GCNT1: variants seen among roughly 807,000 people sequenced by gnomAD.
GCNT1 encodes the protein glucosaminyl (N-acetyl) transferase 1.
A neutral mutation model predicts 26.2 loss-of-function variants in GCNT1; 16 were observed. The ratio of observed to expected loss-of-function variants is 0.61; its 90% CI spans 0.41 to 0.93. GCNT1 has a LOEUF of 0.93. GCNT1 is among the 40% of genes least tolerant of loss of function. GCNT1 has a pLI of 0.00. For missense variants in GCNT1, 477 were observed against 526.7 expected, an observed-to-expected ratio of 0.91 and a Z score of 0.92; for synonymous variants, 183 against 190.8, an observed-to-expected ratio of 0.96 and a Z score of 0.34.
At chr9:76,412,581 C>T in the GCNT1 span, among the ~76,000 whole-genome samples, 2 of 152,216 alleles carry the variant, frequency 1.3e-5, no homozygotes. Context: ...TTAAATATTT[C>T]ACTTCACTCT....
upstream of GCNT1, among the ~76,000 whole-genome samples, chr9:76,440,293 A>G (rs1823467552): frequency 6.6e-6 from 1 of 152,010 alleles, no homozygotes; most frequent in Non-Finnish European, 1.5e-5. Flanking sequence ...CTCACCTACT[A>G]GTTAATATAA....
upstream of GCNT1, among the ~76,000 whole-genome samples, chr9:76,458,433 C>T (rs955971118): frequency 5.9e-5 from 9 of 152,102 alleles, no homozygotes; most frequent in Non-Finnish European, 8.8e-5. Context: ...CCGCCCGCCT[C>T]GGCCTCCCAA....
the GCNT1 span, among the ~76,000 whole-genome samples, chr9:76,398,499 A>G: frequency 6.6e-6 from 1 of 152,230 alleles, no homozygotes; most frequent in Non-Finnish European, 1.5e-5. Flanking sequence ...CCCTTGGAAG[A>G]TAATATGGCA....
chr9:76,480,907 A>G (rs751631815), intron 2 of GCNT1, among the ~76,000 whole-genome samples: 87 of 152,096 alleles, frequency 5.7e-4, no homozygotes, highest in South Asian at 1.7e-3. Flanking sequence ...AACATTTTTT[A>G]TATAATTATA....
At chr9:76,449,535 A>G (rs987717179) in intron 1 of GCNT1, among the ~76,000 whole-genome samples, 1 of 152,106 alleles carries the variant, frequency 6.6e-6, no homozygotes, top group African/African-American at 2.4e-5. Flanking sequence ...AAGGTGAACA[A>G]TTCATCTGCA....
the GCNT1 span, chr9:76,399,545 C>G: frequency 6.5e-7 from 1 of 1,550,058 alleles, no homozygotes; most frequent in Non-Finnish European, 8.8e-7. Flanking sequence ...TCCCACTGCT[C>G]AGGCCACTGA....
chr9:76,445,214 A>G (rs189043885), intron 1 of GCNT1, among the ~76,000 whole-genome samples: 50 of 152,280 alleles, frequency 3.3e-4, no homozygotes, highest in African/African-American at 1.2e-3. Context: ...GTTCTCAAGT[A>G]TAACATCAGA....
upstream of GCNT1, among the ~76,000 whole-genome samples, chr9:76,454,911 G>A (rs1465149023): frequency 2.4e-4 from 32 of 132,360 alleles, 1 homozygote; most frequent in African/African-American, 8.5e-4. Context: ...GCAGTGGCAT[G>A]ATCTCAGCTC....
rs538892923 is a variant in GCNT1, at chr9:76,426,559, T to G, written n.38+6672T>G. Among the ~76,000 whole-genome samples, 4 of 151,122 alleles carry G rather than the reference T, an allele frequency of 2.6e-5. No homozygotes were observed. In the East Asian group the frequency reaches 5.8e-4, roughly 22 times the overall value. On this transcript the variant is annotated intron_variant and non_coding_transcript_variant, in intron 1 of 3. Coordinates refer to the GCNT1 transcript ENST00000488136. ...CTCCAGATTGGGTGACAGAGAGAGATCGTGTCTCAAAAAAAAAGAAAAGAA... is the reference window on the plus strand; with the variant it reads ...CTCCAGATTGGGTGACAGAGAGAGAGCGTGTCTCAAAAAAAAAGAAAAGAA...
the GCNT1 span, chr9:76,398,908 C>G: frequency 1.3e-6 from 2 of 1,545,630 alleles, no homozygotes; most frequent in South Asian, 2.2e-5. Flanking sequence ...CCATTGAAAA[C>G]CCTGCTGATG....
At chr9:76,422,196 C>T (rs918069393) in intron 1 of GCNT1, among the ~76,000 whole-genome samples, 9 of 152,110 alleles carry the variant, frequency 5.9e-5, no homozygotes, top group African/African-American at 1.7e-4. Context: ...GTCCCTCTCA[C>T]GACACATGGA....
In GCNT1 at chr9:76,502,346, G is replaced by A. The variant is rs921563545; in HGVS notation, c.-36G>A. 3 of 1,445,184 alleles carry A rather than the reference G, an allele frequency of 2.1e-6. No individual in the cohort carries two copies. The highest frequency in any genetic ancestry group is 1.7e-5 in the Admixed American group (1 of 57,510). 89.5% of individuals were successfully genotyped at this position (1,445,184 alleles called of 1,614,324 possible). On this transcript the variant is annotated 5_prime_UTR_variant, in exon 4 of 4. Transcript: ENST00000376730. Reference sequence around the variant, plus strand: ...ATTGGTGCTTGGAGCATAGAAGACTGCCCTTCACAAAGGAAATCCCTGATT... The same window carrying A: ...ATTGGTGCTTGGAGCATAGAAGACTACCCTTCACAAAGGAAATCCCTGATT...
At chr9:76,434,248 G>C (rs1587408860) in intron 1 of GCNT1, among the ~76,000 whole-genome samples, 2 of 152,180 alleles carry the variant, frequency 1.3e-5, no homozygotes, top group South Asian at 4.1e-4. Context: ...AATGTAGTAT[G>C]ATTATCATCA....
In GCNT1 at chr9:76,504,197, G is replaced by GTA. The variant is rs1825172644; in HGVS notation, c.*530_*531dup. The GTA allele has an allele frequency of 5.6e-6, 1 of 177,628 alleles. No homozygotes were observed. 11.0% of individuals were successfully genotyped at this position (177,628 alleles called of 1,614,324 possible). A position where few individuals can be genotyped will look rare whatever the true frequency, so the allele number is the denominator to read the frequency against. On this transcript the variant is annotated 3_prime_UTR_variant, in exon 4 of 4. Coordinates refer to ENST00000376730, the MANE Select transcript of GCNT1 (RefSeq NM_001490.5). ...ATAATTTATATTCTGCTCTAATACT[G>GTA]TACTGTGTAGTGTGTCTCCGTATGT...
chr9:76,491,837 G>A (rs1417898859), intron 2 of GCNT1, among the ~76,000 whole-genome samples: 1 of 152,178 alleles, frequency 6.6e-6, no homozygotes, highest in Admixed American at 6.5e-5. Flanking sequence ...TGAAGCACCG[G>A]TCCCTCAAGG....
At chr9:76,399,572 A>C in the GCNT1 span, 11 of 1,341,382 alleles carry the variant, frequency 8.2e-6, no homozygotes, top group Non-Finnish European at 1.2e-5. Flanking sequence ...AGGAGCAACC[A>C]CTGACTGGTC....
chr9:76,458,041 CAT>C (rs1823788235), upstream of GCNT1, among the ~76,000 whole-genome samples: 1 of 152,130 alleles, frequency 6.6e-6, no homozygotes, highest in African/African-American at 2.4e-5. Context: ...CAATTTATTT[CAT>C]AGACTTAGTT....
At chr9:76,465,155 G>GTTTTTT (rs374781585) in intron 2 of GCNT1, among the ~76,000 whole-genome samples, 1 of 144,998 alleles carries the variant, frequency 6.9e-6, no homozygotes. Context: ...TCTGATTTGA[G>GTTTTTT]TTTTTTTTTT....
At chr9:76,396,893 G>A in the GCNT1 span, among the ~76,000 whole-genome samples, 1 of 152,212 alleles carries the variant, frequency 6.6e-6, no homozygotes, top group Non-Finnish European at 1.5e-5. Flanking sequence ...AAACTGAGGA[G>A]TGAGGATCGC....
Sources: allele counts gnomAD v4.1 joint callset (sites outside exome capture counted in the v4.1 genomes callset), GRCh38; gene constraint gnomAD v4.1.1; transcripts MANE v1.5; gene names NCBI Gene and HGNC (gene_info 2026-07-23, HGNC 2026-07-21).